The following DENND2C variants were observed in gnomAD, a reference collection of about 807,000 sequenced individuals.
The protein encoded by DENND2C is DENN domain containing 2C, also known as DENN domain-containing protein 2C.
DENND2C carries 72 observed loss-of-function variants against 112.4 expected under a neutral mutation model. That is an observed-to-expected ratio of 0.64 (90% CI 0.53 to 0.78). The LOEUF is 0.78. DENND2C is among the 30% of genes least tolerant of loss of function. The pLI is 0.00. For synonymous variants in DENND2C, 329 were observed against 381.6 expected (o/e 0.86, Z 1.61); for missense variants, 992 against 1,113.8 (o/e 0.89, Z 1.56).
At chr1:114,618,294 T>A in intron 8 of DENND2C, 92 bp downstream of exon 8, 1 of 971,986 alleles carries the variant, frequency 1.0e-6, no homozygotes, top group South Asian at 2.2e-5. Flanking sequence ...GGCCCCAAAA[T>A]TTTTAATACA....
chr1:114,596,760 A>T (rs184394381), intron 16 of DENND2C, among the ~76,000 whole-genome samples: 400 of 152,100 alleles, frequency 2.6e-3, no homozygotes, highest in African/African-American at 4.6e-3. Context: ...GTTTTTTTTT[A>T]AATTTTTTAT....
At chr1:114,594,820 C>T (rs1411369107) in intron 17 of DENND2C, among the ~76,000 whole-genome samples, 1 of 152,160 alleles carries the variant, frequency 6.6e-6, no homozygotes, top group Non-Finnish European at 1.5e-5. Flanking sequence ...AGATCTCTCT[C>T]ATCTACAAGT....
intron 3 of DENND2C, among the ~76,000 whole-genome samples, chr1:114,627,157 A>C (rs1388711684): frequency 6.6e-6 from 1 of 152,182 alleles, no homozygotes; most frequent in Non-Finnish European, 1.5e-5. Context: ...AATCAATACA[A>C]ATACTTACAG....
intron 3 of DENND2C, among the ~76,000 whole-genome samples, chr1:114,632,307 C>T (rs531861914): frequency 1.3e-5 from 2 of 152,052 alleles, no homozygotes; most frequent in Admixed American, 1.3e-4. Flanking sequence ...ATCCAAGAGG[C>T]TCAACAAACC....
chr1:114,641,196 G>A (rs1203064927), intron 3 of DENND2C, among the ~76,000 whole-genome samples: 2 of 150,912 alleles, frequency 1.3e-5, no homozygotes, highest in East Asian at 3.9e-4. Flanking sequence ...CTGTTGGGAG[G>A]TCAAGGTGGG....
intron 2 of DENND2C, among the ~76,000 whole-genome samples, chr1:114,652,400 T>C (rs891949897): frequency 1.3e-5 from 2 of 152,192 alleles, no homozygotes; most frequent in African/African-American, 4.8e-5. Context: ...TCTTATTCTC[T>C]GTCCAGCCCC....
At chr1:114,631,121 A>G (rs1355054293) in intron 3 of DENND2C, among the ~76,000 whole-genome samples, 1 of 152,248 alleles carries the variant, frequency 6.6e-6, no homozygotes. Context: ...GATGCCTGTA[A>G]TCCCAGCACT....
intron 2 of DENND2C, among the ~76,000 whole-genome samples, chr1:114,650,532 G>T (rs972213086): frequency 6.6e-6 from 1 of 151,468 alleles, no homozygotes; most frequent in African/African-American, 2.4e-5. Context: ...AATTTAGCCA[G>T]GCATAGTGGC....
At chr1:114,656,959 C>T (rs1158615554) in intron 1 of DENND2C, among the ~76,000 whole-genome samples, 1 of 151,808 alleles carries the variant, frequency 6.6e-6, no homozygotes, top group Non-Finnish European at 1.5e-5. Flanking sequence ...CCATGTTGGC[C>T]AGGCTGGTCT....
chr1:114,609,317 T>G lies in DENND2C; in HGVS notation c.1370-444A>C, dbSNP rs115193163. ...GCAGAGATCTGATAAAATAATTCAG[T>G]CCTAAGTACAGAAAGGGGGAGTTTG... On this transcript the variant is annotated intron_variant, in intron 9 of 20. Transcript: ENST00000393274. Among the ~76,000 whole-genome samples the G allele has an allele frequency of 7.4e-3, 1,128 of 152,266 alleles. 8 individuals are homozygous for G. Among genetic ancestry groups the G allele is most frequent in the South Asian group, 0.027 (129 of 4,828 alleles).
Position 114,617,078 on chromosome 1 carries a change from T to A in DENND2C, c.1324+1308A>T, listed in dbSNP as rs115144704. 4.2e-3 allele frequency among the ~76,000 whole-genome samples: 639 copies of A among 152,052 alleles called. 4 individuals are homozygous for A. Among genetic ancestry groups the A allele is most frequent in the African/African-American group, 0.014 (591 of 41,468 alleles). ...CATGAGAATAGCACGGGAAAGACCATCCCCCATGATTCAATTACTTCCCCC... is the reference window on the plus strand; with the variant it reads ...CATGAGAATAGCACGGGAAAGACCAACCCCCATGATTCAATTACTTCCCCC... On this transcript the variant is annotated intron_variant, in intron 8 of 20. Transcript: ENST00000393274.
intron 3 of DENND2C, among the ~76,000 whole-genome samples, chr1:114,637,025 A>C (rs937365668): frequency 1.3e-5 from 2 of 151,814 alleles, no homozygotes; most frequent in African/African-American, 4.8e-5. Context: ...CAGGCAGATC[A>C]CTTGAGGTCA....
intron 1 of DENND2C, among the ~76,000 whole-genome samples, chr1:114,656,090 G>A (rs532420743): frequency 6.6e-6 from 1 of 151,234 alleles, no homozygotes; most frequent in Non-Finnish European, 1.5e-5. Flanking sequence ...TTTCGGAGAT[G>A]GGGGTCTTGC....
At position 114,599,449 on chromosome 1, in the gene DENND2C, G is replaced by A; in HGVS notation, c.2108C>T (p.Thr703Ile). 6.2e-7 allele frequency: 1 copy of A among 1,611,420 alleles called. No homozygotes were observed. Among genetic ancestry groups the A allele is most frequent in the South Asian group, 1.1e-5 (1 of 90,700 alleles). The change falls in exon 16 of 21, where the codon ACC becomes ATC. Residue 703 changes from threonine (T) to isoleucine (I), a missense_variant and splice_region_variant. By Grantham distance (89) the Thr-to-Ile change is moderately conservative. Transcript: ENST00000393274. Reference sequence around the variant, plus strand: ...CACAGCATGGCCACATTTTGACAGGGTGCTAGCCAGAGGAGAAAACAAATG... The same window carrying A: ...CACAGCATGGCCACATTTTGACAGGATGCTAGCCAGAGGAGAAAACAAATG... ...RVIFVANSLS[T>I]LSKCGHAVVA... is the part of the protein sequence containing the mutation.
intron 8 of DENND2C, among the ~76,000 whole-genome samples, chr1:114,612,548 C>G (rs550977674): frequency 1.4e-5 from 2 of 146,016 alleles, no homozygotes; most frequent in East Asian, 4.1e-4. Context: ...GAGACAGAGT[C>G]TCACTCTGTC....
chr1:114,596,962 T>C (rs1340716696), intron 16 of DENND2C, among the ~76,000 whole-genome samples: 1 of 151,828 alleles, frequency 6.6e-6, no homozygotes, highest in Non-Finnish European at 1.5e-5. Context: ...CAAGAGATGA[T>C]ATAGGAGGAT....
At chr1:114,665,222 T>C (rs532374708) in intron 1 of DENND2C, among the ~76,000 whole-genome samples, 1 of 150,498 alleles carries the variant, frequency 6.6e-6, no homozygotes, top group South Asian at 2.1e-4. Context: ...TGAGCTATGA[T>C]TGCATCACTG....
intron 16 of DENND2C, 89 bp from the exon 17 acceptor site, chr1:114,595,962 A>C: frequency 8.2e-7 from 1 of 1,226,536 alleles, no homozygotes; most frequent in Non-Finnish European, 1.2e-6. Flanking sequence ...AAATTTACTC[A>C]AAGTTTCAGC....
intron 8 of DENND2C, 145 bp downstream of exon 8, chr1:114,618,241 G>C: frequency 2.7e-6 from 1 of 365,392 alleles, no homozygotes; most frequent in Non-Finnish European, 4.9e-6. Flanking sequence ...ACCCGCCTTG[G>C]CCTCCCAAAG....
Sources: allele counts gnomAD v4.1 joint callset (sites outside exome capture counted in the v4.1 genomes callset), GRCh38; gene constraint gnomAD v4.1.1; transcripts MANE v1.5; gene names NCBI Gene and HGNC (gene_info 2026-07-23, HGNC 2026-07-21).